The following C3orf70 variants were observed in gnomAD, a reference collection of about 807,000 sequenced individuals.
The protein encoded by C3orf70 is chromosome 3 open reading frame 70, also known as UPF0524 protein C3orf70.
Under a neutral mutation model 20.7 loss-of-function variants are expected in C3orf70, and 15 were observed. That is an observed-to-expected ratio of 0.72 (90% CI 0.48 to 1.11). C3orf70 has a LOEUF of 1.11. C3orf70 is among the 50% of genes most tolerant of loss of function. C3orf70 has a pLI of 0.00. For missense variants in C3orf70, 332 were observed against 317.6 expected (o/e 1.05, Z -0.34); for synonymous variants, 161 against 125.7 (o/e 1.28, Z -1.88).
chr3:185,101,378 T>C (rs1264107672), intron 1 of C3orf70, among the ~76,000 whole-genome samples: 1 of 152,216 alleles, frequency 6.6e-6, no homozygotes, highest in East Asian at 1.9e-4. Context: ...TGGATCAACA[T>C]ACACACACAA....
chr3:185,141,327 G>C (rs554071076), intron 1 of C3orf70, among the ~76,000 whole-genome samples: 1 of 151,466 alleles, frequency 6.6e-6, no homozygotes, highest in South Asian at 2.1e-4. Flanking sequence ...AAATGGAATA[G>C]ACCCTCTGGA....
chr3:185,135,409 C>T (rs1243386382), intron 1 of C3orf70, among the ~76,000 whole-genome samples: 1 of 152,054 alleles, frequency 6.6e-6, no homozygotes, highest in East Asian at 1.9e-4. Flanking sequence ...AAACCTGAGG[C>T]CAGGAGTTCA....
chr3:185,114,619 A>C lies in C3orf70; in HGVS notation c.197-31056T>G, dbSNP rs534108874. On this transcript the variant is annotated intron_variant, in intron 1 of 1. Coordinates refer to ENST00000335012, the MANE Select transcript of C3orf70 (RefSeq NM_001025266.3). ...TGCTAGACAGTGGATTCTTACTAAA[A>C]ATTAAAACAACAATTAACCCTAAGG... Among the ~76,000 whole-genome samples, 6 of 152,340 alleles carry C rather than the reference A, an allele frequency of 3.9e-5. No individual in the cohort carries two copies. The East Asian group carries it at 1.2e-3, about 29-fold the overall frequency.
At chr3:185,116,549 GA>G (rs1475004958) in intron 1 of C3orf70, among the ~76,000 whole-genome samples, 2 of 152,138 alleles carry the variant, frequency 1.3e-5, no homozygotes, top group Non-Finnish European at 2.9e-5. Context: ...TTGCTCACTA[GA>G]AATGAGTAGG....
intron 1 of C3orf70, among the ~76,000 whole-genome samples, chr3:185,134,961 A>G (rs1716592955): frequency 6.6e-6 from 1 of 152,160 alleles, no homozygotes; most frequent in African/African-American, 2.4e-5. Context: ...CTGGACTTCT[A>G]GCTCCATCTG....
chr3:185,116,217 A>G (rs1716169671), intron 1 of C3orf70, among the ~76,000 whole-genome samples: 1 of 152,238 alleles, frequency 6.6e-6, no homozygotes. Flanking sequence ...CCCACAACTC[A>G]GCAAAGGAAG....
chr3:185,117,492 A>T (rs13434034), intron 1 of C3orf70, among the ~76,000 whole-genome samples: 7,811 of 151,614 alleles, frequency 0.052, 657 homozygotes, highest in African/African-American at 0.18. Flanking sequence ...AGCCACTGAT[A>T]TGGCAGAACT....
intron 1 of C3orf70, among the ~76,000 whole-genome samples, chr3:185,097,104 T>C (rs188176316): frequency 5.3e-5 from 8 of 152,326 alleles, no homozygotes; most frequent in Admixed American, 5.2e-4. Flanking sequence ...CTGTGTGGTT[T>C]CCATCTCTTG....
intron 1 of C3orf70, among the ~76,000 whole-genome samples, chr3:185,093,161 AAG>A (rs983241058): frequency 5.9e-5 from 9 of 152,150 alleles, no homozygotes; most frequent in Non-Finnish European, 1.2e-4. Flanking sequence ...TCAGTCAAGT[AAG>A]AGAGAATGGA....
chr3:185,135,227 T>C (rs1434441562), intron 1 of C3orf70, among the ~76,000 whole-genome samples: 1 of 149,852 alleles, frequency 6.7e-6, no homozygotes, highest in East Asian at 1.9e-4. Context: ...AAAGCAACCA[T>C]GAAAAAAAAA....
chr3:185,132,385 A>C (rs917355987), intron 1 of C3orf70, among the ~76,000 whole-genome samples: 3 of 151,712 alleles, frequency 2.0e-5, no homozygotes, highest in Middle Eastern at 3.4e-3. Flanking sequence ...TTTCAAAATG[A>C]CTATTTGAAA....
intron 1 of C3orf70, among the ~76,000 whole-genome samples, chr3:185,132,644 T>C (rs1222797187): frequency 2.0e-5 from 3 of 152,116 alleles, no homozygotes; most frequent in Admixed American, 1.3e-4. Context: ...TGAAAACGTA[T>C]AATACATATC....
At position 185,107,235 on chromosome 3, in the gene C3orf70, C is replaced by T. The variant is rs1171269498; in HGVS notation, c.197-23672G>A. ...AGTTGGTAAAGCCCCTGAAGTATATCAAAGTAGTTATATCTTGCATTGTGA... is the reference window on the plus strand; with the variant it reads ...AGTTGGTAAAGCCCCTGAAGTATATTAAAGTAGTTATATCTTGCATTGTGA... On this transcript the variant is annotated intron_variant, in intron 1 of 1. Coordinates refer to ENST00000335012, the MANE Select transcript of C3orf70 (RefSeq NM_001025266.3). Among the ~76,000 whole-genome samples, 4 of 152,286 alleles carry T rather than the reference C, an allele frequency of 2.6e-5. 1 individual carries two copies. The South Asian group carries it at 8.3e-4, about 32-fold the overall frequency.
intron 1 of C3orf70, among the ~76,000 whole-genome samples, chr3:185,145,427 AG>A (rs1216562086): frequency 2.6e-5 from 4 of 151,846 alleles, no homozygotes; most frequent in African/African-American, 9.7e-5. Flanking sequence ...AAAACTGCCT[AG>A]TCTTTTTTGC....
At chr3:185,096,498 T>A (rs1715708798) in intron 1 of C3orf70, among the ~76,000 whole-genome samples, 1 of 152,162 alleles carries the variant, frequency 6.6e-6, no homozygotes, top group Non-Finnish European at 1.5e-5. Context: ...TAGCTGTCAA[T>A]TCACTGCCAC....
chr3:185,122,007 G>GGA (rs1224153537), intron 1 of C3orf70, among the ~76,000 whole-genome samples: 8 of 151,478 alleles, frequency 5.3e-5, no homozygotes, highest in African/African-American at 1.7e-4. Context: ...GCGGAGGCAG[G>GGA]AGAATGGCGT....
chr3:185,113,749 A>T (rs1053296589), intron 1 of C3orf70, among the ~76,000 whole-genome samples: 1 of 152,230 alleles, frequency 6.6e-6, no homozygotes, highest in Non-Finnish European at 1.5e-5. Context: ...ATACTTCTTA[A>T]GTGCCAGAGA....
chr3:185,118,195 T>C (rs1339841507), intron 1 of C3orf70, among the ~76,000 whole-genome samples: 2 of 152,194 alleles, frequency 1.3e-5, no homozygotes, highest in African/African-American at 4.8e-5. Flanking sequence ...AATGAATAAA[T>C]GAATGTTCTT....
At chr3:185,107,174 G>A (rs994128311) in intron 1 of C3orf70, among the ~76,000 whole-genome samples, 4 of 152,150 alleles carry the variant, frequency 2.6e-5, no homozygotes, top group Admixed American at 6.5e-5. Context: ...GGCCGTCCAC[G>A]TGGCCAATTC....
Sources: allele counts gnomAD v4.1 joint callset (sites outside exome capture counted in the v4.1 genomes callset), GRCh38; gene constraint gnomAD v4.1.1; transcripts MANE v1.5; gene names NCBI Gene and HGNC (gene_info 2026-07-23, HGNC 2026-07-21).